The following MKLN1 variants were observed in gnomAD, a reference collection of about 807,000 sequenced individuals.
MKLN1 encodes muskelin 1.
MKLN1 carries 18 observed loss-of-function variants against 99.0 expected under a neutral mutation model. The observed-to-expected ratio is 0.18, with a 90% CI of 0.13 to 0.27. The LOEUF is 0.27. Among genes scored for constraint, MKLN1 ranks in the 10% least tolerant of loss-of-function variants. The pLI is 1.00. For synonymous variants in MKLN1, 288 were observed against 293.2 expected (o/e 0.98, Z 0.18); for missense variants, 621 against 875.9 (o/e 0.71, Z 3.67).
intron 3 of MKLN1, among the ~76,000 whole-genome samples, chr7:131,263,379 G>A (rs1797763309): frequency 1.3e-5 from 1 of 74,776 alleles, no homozygotes; most frequent in South Asian, 3.9e-4. Flanking sequence ...AATAAAATTA[G>A]CTGGGTGTGG....
chr7:131,339,087 GTTAA>G, intron 1 of MKLN1, among the ~76,000 whole-genome samples: 1 of 152,292 alleles, frequency 6.6e-6, no homozygotes, highest in African/African-American at 2.4e-5. Flanking sequence ...TGAAATATGT[GTTAA>G]TTGTCTATTC....
intron 3 of MKLN1, among the ~76,000 whole-genome samples, chr7:131,264,373 T>A (rs1054764819): frequency 2.6e-5 from 4 of 152,174 alleles, no homozygotes; most frequent in African/African-American, 9.7e-5. Context: ...TGAATATCAT[T>A]TAAATTTAGA....
intron 5 of MKLN1, among the ~76,000 whole-genome samples, chr7:131,397,893 T>TA (rs1315780776): frequency 1.3e-5 from 2 of 152,224 alleles, no homozygotes; most frequent in Non-Finnish European, 2.9e-5. Context: ...AATATAACTG[T>TA]AATATATATT....
intron 2 of MKLN1, among the ~76,000 whole-genome samples, chr7:131,158,794 A>T (rs1182747059): frequency 6.6e-6 from 1 of 152,202 alleles, no homozygotes. Context: ...GCCCAGTGCC[A>T]TTGGCCAGAA....
At chr7:131,406,296 G>T (rs1027555870) in intron 6 of MKLN1, among the ~76,000 whole-genome samples, 7 of 151,234 alleles carry the variant, frequency 4.6e-5, no homozygotes, top group African/African-American at 2.4e-5. Flanking sequence ...TTTAAATAAA[G>T]AAAATTTTAT....
intron 3 of MKLN1, among the ~76,000 whole-genome samples, chr7:131,235,860 G>A (rs1293727819): frequency 6.6e-6 from 1 of 152,182 alleles, no homozygotes; most frequent in East Asian, 1.9e-4. Context: ...GTCCATTGCA[G>A]TGAGTGAGTC....
intron 3 of MKLN1, among the ~76,000 whole-genome samples, chr7:131,286,598 C>T (rs188944591): frequency 6.6e-6 from 1 of 152,298 alleles, no homozygotes; most frequent in East Asian, 1.9e-4. Flanking sequence ...TACAGATGGA[C>T]AAATGGAAGG....
chr7:131,304,693 C>A (rs1348246901), intron 3 of MKLN1, among the ~76,000 whole-genome samples: 1 of 152,136 alleles, frequency 6.6e-6, no homozygotes, highest in African/African-American at 2.4e-5. Context: ...CTTATAGGAC[C>A]TATCTGAAGA....
At chr7:131,376,091 T>G (rs1793637465) in intron 2 of MKLN1, among the ~76,000 whole-genome samples, 1 of 111,054 alleles carries the variant, frequency 9.0e-6, no homozygotes, top group Non-Finnish European at 1.8e-5. Context: ...GTATAATTCA[T>G]GGAAATATAT....
In MKLN1 at chr7:131,478,595, CTTTTTTTTT is replaced by C. The variant is rs3080645; in HGVS notation, c.2032-15_2032-7del. The C allele has an allele frequency of 7.7e-5, 95 of 1,238,438 alleles. No homozygotes were observed. The African/African-American group carries it at 1.2e-3, about 15-fold the overall frequency. The allele number at this position is 1,238,438 out of a possible 1,614,324, so 76.7% of individuals were successfully genotyped here. A position where few individuals can be genotyped will look rare whatever the true frequency, so the allele number is the denominator to read the frequency against. On this transcript the variant is annotated intron_variant, in intron 16 of 17. Transcript: ENST00000352689. The stretch of plus-strand genomic sequence containing the variant: ...CACTTAGCCAGCTAATTTGCTGCTT[CTTTTTTTTT>C]TTTTTTTTTTTTAAACAGTTTCAGC...
chr7:131,234,660 T>C (rs1374022981), intron 3 of MKLN1, among the ~76,000 whole-genome samples: 1 of 152,204 alleles, frequency 6.6e-6, no homozygotes, highest in Non-Finnish European at 1.5e-5. Flanking sequence ...TCCAGCTCTT[T>C]CCTTCAATGA....
intron 2 of MKLN1, among the ~76,000 whole-genome samples, chr7:131,167,420 C>T (rs1478344058): frequency 6.6e-6 from 1 of 151,910 alleles, no homozygotes; most frequent in African/African-American, 2.4e-5. Context: ...GCCTGTAATC[C>T]CAGCACTTTG....
intron 2 of MKLN1, among the ~76,000 whole-genome samples, chr7:131,191,378 C>T (rs1318860115): frequency 1.3e-5 from 2 of 152,140 alleles, no homozygotes; most frequent in Non-Finnish European, 2.9e-5. Context: ...TAAGTTGGTC[C>T]TGATTTCTGA....
Position 131,445,792 on chromosome 7 carries a change from G to A in MKLN1, c.1414G>A (p.Val472Ile). The A allele has an allele frequency of 6.3e-7, 1 of 1,584,936 alleles. No individual in the cohort carries two copies. The highest frequency in any genetic ancestry group is 8.6e-7 in the Non-Finnish European group (1 of 1,165,072). Residue 472 changes from valine to isoleucine, a missense_variant, in exon 12 of 18, where the codon GTA becomes ATA. Coordinates refer to ENST00000352689, the MANE Select transcript of MKLN1 (RefSeq NM_013255.5). ...TTTTCAGAAAAATCGTTGCTTATAT[G>A]TATTTGGTGGCCAGCGATCAAAGAC... is the stretch of plus-strand genomic sequence containing the variant. ...LFHSKNRCLYVFGGQRSKTYL... is the reference protein window; with the variant it reads ...LFHSKNRCLYIFGGQRSKTYL...
chr7:131,379,001 A>G (rs1375853275), intron 2 of MKLN1, among the ~76,000 whole-genome samples: 1 of 151,892 alleles, frequency 6.6e-6, no homozygotes, highest in Non-Finnish European at 1.5e-5. Flanking sequence ...GACACTCAGT[A>G]GAGGAAGGGA....
intron 1 of MKLN1, 81 bp from the exon 2 acceptor site, chr7:131,375,343 G>A: frequency 1.2e-6 from 1 of 862,458 alleles, no homozygotes; most frequent in Non-Finnish European, 2.0e-6. Context: ...ATAACTTTAT[G>A]ATAATTTCAG....
intron 1 of MKLN1, among the ~76,000 whole-genome samples, chr7:131,142,485 C>CAGCACT (rs1795750795): frequency 6.6e-6 from 1 of 151,688 alleles, no homozygotes; most frequent in Non-Finnish European, 1.5e-5. Flanking sequence ...CCTGTAATCC[C>CAGCACT]AGCACTTTGG....
At chr7:131,113,673 A>C (rs1256788842) in intron 1 of MKLN1, among the ~76,000 whole-genome samples, 1 of 147,750 alleles carries the variant, frequency 6.8e-6, no homozygotes, top group Non-Finnish European at 1.5e-5. Flanking sequence ...AATACAAAAA[A>C]AAAAAAAAAA....
chr7:131,123,070 G>T (rs557040098), intron 1 of MKLN1, among the ~76,000 whole-genome samples: 1 of 145,340 alleles, frequency 6.9e-6, no homozygotes, highest in Non-Finnish European at 1.5e-5. Context: ...TATCAGGGCC[G>T]CTGTACAGAA....
Sources: gnomAD v4.1 joint callset for allele counts (sites outside exome capture counted in the v4.1 genomes callset) on GRCh38, gnomAD v4.1.1 for gene constraint, MANE v1.5 for transcripts, NCBI Gene and HGNC (gene_info 2026-07-23, HGNC 2026-07-21) for gene names.